AGAP1: variants seen among roughly 807,000 people sequenced by gnomAD.
AGAP1 encodes the protein ArfGAP with GTPase domain, ankyrin repeat and PH domain 1.
In AGAP1, 29 loss-of-function variants were observed where a neutral mutation model predicts 105.3. That is an observed-to-expected ratio of 0.28 (90% CI 0.21 to 0.38). The LOEUF is 0.38. Ranked by LOEUF, AGAP1 falls within the 10% of genes least tolerant of loss-of-function variation. The pLI is 1.00. For synonymous variants in AGAP1, 509 were observed against 485.9 expected (o/e 1.05, Z -0.63); for missense variants, 998 against 1,165.1 (o/e 0.86, Z 2.09).
chr2:235,773,960 T>G, intron 6 of AGAP1: 1 of 470,816 alleles, frequency 2.1e-6, no homozygotes, highest in Non-Finnish European at 4.4e-6. Context: ...TGCTGGTCCA[T>G]TCAGCCAACT....
In AGAP1 at chr2:236,061,019, C is replaced by T. The variant is rs1247165630; in HGVS notation, c.2114+11738C>T. Among the ~76,000 whole-genome samples the T allele has an allele frequency of 6.6e-6, 1 of 152,154 alleles. No individual in the cohort carries two copies. The highest frequency in any genetic ancestry group is 1.5e-5 in the Non-Finnish European group (1 of 68,036). On this transcript the variant is annotated intron_variant, in intron 16 of 17. Coordinates refer to ENST00000304032, the MANE Select transcript of AGAP1 (RefSeq NM_001037131.3). This position sits in a 1 kb window ranked among gnomAD's most constrained non-coding sequence, Gnocchi z 4.1. Reference sequence around the variant, plus strand: ...TTGAGGTTGCAGTGAGCCGTTATCACGTCACTCCACTCTAGCCTGGATAAC... The same window carrying T: ...TTGAGGTTGCAGTGAGCCGTTATCATGTCACTCCACTCTAGCCTGGATAAC...
chr2:235,600,152 C>T lies in AGAP1; in HGVS notation c.163+105303C>T, dbSNP rs1330464363. Among the ~76,000 whole-genome samples the T allele has an allele frequency of 6.6e-6, 1 of 152,132 alleles. No homozygotes were observed. Among genetic ancestry groups the T allele is most frequent in the Non-Finnish European group, 1.5e-5 (1 of 68,020 alleles). On this transcript the variant is annotated intron_variant, in intron 1 of 17. Coordinates refer to ENST00000304032, the MANE Select transcript of AGAP1 (RefSeq NM_001037131.3). The surrounding 1 kb of genome is among the most constrained non-coding windows in gnomAD (Gnocchi z 4.8). ...TAATTACAGGTTCAAGTCCCTTGTC[C>T]AAAATCCAAAAAGCCGACACTGGAA... is the stretch of plus-strand genomic sequence containing the variant.
rs145700440 is a variant in AGAP1 at position 236,078,155 on chromosome 2, GGTGT to G, written c.2114+28891_2114+28894del. ...AAGTGTGTAGGGCAGGCCAGCCGGG[GGTGT>G]GTGTGTGTGTGTGTGTATATGTATG... is the stretch of plus-strand genomic sequence containing the variant. On this transcript the variant is annotated intron_variant, in intron 16 of 17. Coordinates refer to ENST00000304032, the MANE Select transcript of AGAP1 (RefSeq NM_001037131.3). This position sits in a 1 kb window ranked among gnomAD's most constrained non-coding sequence, Gnocchi z 5.3. Among the ~76,000 whole-genome samples, 12 of 146,376 alleles carry G rather than the reference GGTGT, an allele frequency of 8.2e-5. No individual in the cohort carries two copies. Among genetic ancestry groups the G allele is most frequent in the South Asian group, 4.4e-4 (2 of 4,518 alleles).
Position 235,981,209 on chromosome 2 carries a change from G to A in AGAP1, c.1645+12586G>A, listed in dbSNP as rs974795500. Among the ~76,000 whole-genome samples the A allele has an allele frequency of 1.3e-5, 2 of 152,154 alleles. No individual in the cohort carries two copies. Among genetic ancestry groups the A allele is most frequent in the African/African-American group, 4.8e-5 (2 of 41,440 alleles). On this transcript the variant is annotated intron_variant, in intron 13 of 17. Coordinates refer to ENST00000304032, the MANE Select transcript of AGAP1 (RefSeq NM_001037131.3). The surrounding 1 kb of genome is among the most constrained non-coding windows in gnomAD (Gnocchi z 5.5). ...TGGTCACTAAGCTTATATGAGGGAC[G>A]AGAGCCGTAGCATTGCTCCAGCAGG...
intron 1 of AGAP1, among the ~76,000 whole-genome samples, chr2:235,575,964 C>T (rs936977479): frequency 6.6e-6 from 1 of 152,182 alleles, no homozygotes; most frequent in African/African-American, 2.4e-5. Flanking sequence ...TTTTATGAGA[C>T]GTGTTGTCCC....
rs1367720601 is a variant in AGAP1 at position 235,614,111 on chromosome 2, G to T, written c.164-95068G>T. ...TATATTGATTCACCAAATATTGATT[G>T]TACATCTGCGAATGTGCTAGATACC... On this transcript the variant is annotated intron_variant, in intron 1 of 17. Coordinates refer to ENST00000304032, the MANE Select transcript of AGAP1 (RefSeq NM_001037131.3). This position sits in a 1 kb window ranked among gnomAD's most constrained non-coding sequence, Gnocchi z 4.7. Among the ~76,000 whole-genome samples, 1 of 151,550 alleles carries T rather than the reference G, an allele frequency of 6.6e-6. No homozygotes were observed. Among genetic ancestry groups the T allele is most frequent in the African/African-American group, 2.4e-5 (1 of 41,182 alleles).
intron 6 of AGAP1, among the ~76,000 whole-genome samples, chr2:235,756,544 T>C (rs959043091): frequency 2.6e-5 from 4 of 152,130 alleles, no homozygotes; most frequent in African/African-American, 9.7e-5. Context: ...TCACTCCCCC[T>C]CTCCTAGAAT....
At chr2:235,542,085 T>A (rs1237974453) in intron 1 of AGAP1, among the ~76,000 whole-genome samples, 2 of 152,260 alleles carry the variant, frequency 1.3e-5, no homozygotes, top group Admixed American at 6.5e-5. Flanking sequence ...GAAGTTGTTA[T>A]CCTTTGTGCA....
chr2:235,931,802 G>T lies in AGAP1; in HGVS notation c.1483+879G>T, dbSNP rs1014445701. On this transcript the variant is annotated intron_variant, in intron 12 of 17. Coordinates refer to ENST00000304032, the MANE Select transcript of AGAP1 (RefSeq NM_001037131.3). The surrounding 1 kb of genome is among the most constrained non-coding windows in gnomAD (Gnocchi z 5.6). ...GCTCCGCAGACGCCACCAAGCAGAAGCCTTAAAGGAAGACATCTCCAAACC... is the reference window on the plus strand; with the variant it reads ...GCTCCGCAGACGCCACCAAGCAGAATCCTTAAAGGAAGACATCTCCAAACC... Among the ~76,000 whole-genome samples, 2 of 152,028 alleles carry T rather than the reference G, an allele frequency of 1.3e-5. No homozygotes were observed. The highest frequency in any genetic ancestry group is 4.8e-5 in the African/African-American group (2 of 41,384).
intron 11 of AGAP1, among the ~76,000 whole-genome samples, chr2:235,914,515 G>T (rs1254169137): frequency 6.6e-6 from 1 of 152,110 alleles, no homozygotes; most frequent in Non-Finnish European, 1.5e-5. Context: ...CTCGGGGGTG[G>T]GGTATTCCTA....
chr2:236,036,266 G>A lies in AGAP1; in HGVS notation c.1646-295G>A, dbSNP rs2057378894. Among the ~76,000 whole-genome samples the A allele has an allele frequency of 6.6e-6, 1 of 152,212 alleles. No individual in the cohort carries two copies. The highest frequency in any genetic ancestry group is 1.5e-5 in the Non-Finnish European group (1 of 68,034). On this transcript the variant is annotated intron_variant, in intron 13 of 17. Coordinates refer to ENST00000304032, the MANE Select transcript of AGAP1 (RefSeq NM_001037131.3). This position sits in a 1 kb window ranked among gnomAD's most constrained non-coding sequence, Gnocchi z 5.7. ...ATGAGTTACATGGTTATTCTCCTAA[G>A]TTGCTTTGTGTGTGCACCACACAGA...
intron 1 of AGAP1, among the ~76,000 whole-genome samples, chr2:235,630,892 G>A (rs556010933): frequency 2.0e-4 from 31 of 152,268 alleles, no homozygotes; most frequent in Admixed American, 3.9e-4. Context: ...CCCGTTGCGG[G>A]TCTGCATAAT....
At chr2:235,520,397 G>C (rs909269558) in intron 1 of AGAP1, among the ~76,000 whole-genome samples, 2 of 152,122 alleles carry the variant, frequency 1.3e-5, no homozygotes, top group Non-Finnish European at 2.9e-5. Context: ...TCTCCTTCCC[G>C]GGGCCTGTGT....
chr2:235,951,655 TG>T lies in AGAP1; in HGVS notation c.1484-16806del, dbSNP rs1235859631. Reference sequence around the variant, plus strand: ...GAAGGTGGCTCGTGTCACTACCCTTTGCTACAGCTGTTGTTTCTCACTGATT... The same window carrying T: ...GAAGGTGGCTCGTGTCACTACCCTTTCTACAGCTGTTGTTTCTCACTGATT... On this transcript the variant is annotated intron_variant, in intron 12 of 17. Coordinates refer to ENST00000304032, the MANE Select transcript of AGAP1 (RefSeq NM_001037131.3). The surrounding 1 kb of genome is among the most constrained non-coding windows in gnomAD (Gnocchi z 4.2). Among the ~76,000 whole-genome samples the T allele has an allele frequency of 6.6e-6, 1 of 152,148 alleles. No homozygotes were observed. Among genetic ancestry groups the T allele is most frequent in the East Asian group, 1.9e-4 (1 of 5,198 alleles).
chr2:235,526,368 A>G (rs964954913), intron 1 of AGAP1, among the ~76,000 whole-genome samples: 8 of 152,200 alleles, frequency 5.3e-5, no homozygotes, highest in African/African-American at 9.6e-5. Context: ...GTGGCCTTCC[A>G]TGGGAGAGGG....
intron 3 of AGAP1, among the ~76,000 whole-genome samples, chr2:235,717,987 T>A (rs1951204004): frequency 6.6e-6 from 1 of 152,216 alleles, no homozygotes; most frequent in African/African-American, 2.4e-5. Context: ...ATCTGGATAT[T>A]GAATTTATAC....
At chr2:235,695,872 G>T (rs1268273822) in intron 1 of AGAP1, among the ~76,000 whole-genome samples, 1 of 152,160 alleles carries the variant, frequency 6.6e-6, no homozygotes, top group Non-Finnish European at 1.5e-5. Context: ...ATTGTTGCAG[G>T]AGATACTGAA....
chr2:235,673,414 G>A (rs557457679), intron 1 of AGAP1, among the ~76,000 whole-genome samples: 1 of 152,304 alleles, frequency 6.6e-6, no homozygotes, highest in African/African-American at 2.4e-5. Context: ...GGACAGGTGG[G>A]TTTGTAGGAC....
rs754586713 is a variant in AGAP1, at chr2:235,957,416, C to T, written c.1484-11046C>T. On this transcript the variant is annotated intron_variant, in intron 12 of 17. Transcript: ENST00000304032. The surrounding 1 kb of genome is among the most constrained non-coding windows in gnomAD (Gnocchi z 4.6). ...CTAACACTGTGTTGTCTTTTCCTTT[C>T]GCCAACACCTGTCATCTTCCTGGGC... 5.3e-5 allele frequency among the ~76,000 whole-genome samples: 8 copies of T among 152,156 alleles called. No homozygotes were observed. Among genetic ancestry groups the T allele is most frequent in the African/African-American group, 1.2e-4 (5 of 41,432 alleles).
Sources: allele counts gnomAD v4.1 joint callset (sites outside exome capture counted in the v4.1 genomes callset), GRCh38; gene constraint gnomAD v4.1.1; non-coding constraint Gnocchi (gnomAD v3.1); transcripts MANE v1.5; gene names NCBI Gene and HGNC (gene_info 2026-07-23, HGNC 2026-07-21).